Variants in NR6A1 observed in about 807,000 individuals in gnomAD.
The protein encoded by NR6A1 is retinoic acid receptor-related testis-associated receptor.
A neutral mutation model predicts 59.1 loss-of-function variants in NR6A1; 7 were observed. The observed-to-expected ratio is 0.12, with a 90% CI of 0.07 to 0.22. The LOEUF is 0.22. Among genes scored for constraint, NR6A1 ranks in the 10% least tolerant of loss-of-function variants. NR6A1 has a pLI of 1.00. For synonymous variants in NR6A1, 243 were observed against 236.1 expected, an observed-to-expected ratio of 1.03 and a Z score of -0.27; for missense variants, 468 against 611.6, an observed-to-expected ratio of 0.77 and a Z score of 2.48.
chr9:124,667,021 T>A (rs1463073979), intron 2 of NR6A1, among the ~76,000 whole-genome samples: 1 of 152,060 alleles, frequency 6.6e-6, no homozygotes, highest in African/African-American at 2.4e-5. Flanking sequence ...ATTGCGAATA[T>A]TACTATTATC....
intron 2 of NR6A1, among the ~76,000 whole-genome samples, chr9:124,565,268 A>C (rs1175421509): frequency 6.6e-6 from 1 of 152,072 alleles, no homozygotes; most frequent in Non-Finnish European, 1.5e-5. Context: ...CTCTACTAAC[A>C]ATACAAAAAT....
chr9:124,582,331 C>T (rs1040018213), intron 2 of NR6A1, among the ~76,000 whole-genome samples: 18 of 152,104 alleles, frequency 1.2e-4, no homozygotes, highest in African/African-American at 3.9e-4. Context: ...AACCAAATAC[C>T]GCATGTTCCC....
intron 2 of NR6A1, among the ~76,000 whole-genome samples, chr9:124,593,204 A>G (rs763065293): frequency 3.3e-5 from 5 of 152,188 alleles, no homozygotes; most frequent in African/African-American, 7.2e-5. Context: ...GTTCTTGACT[A>G]TAAGTCTGGT....
intron 2 of NR6A1, among the ~76,000 whole-genome samples, chr9:124,568,553 C>T (rs1482788582): frequency 6.6e-6 from 1 of 151,162 alleles, no homozygotes; most frequent in Non-Finnish European, 1.5e-5. Flanking sequence ...ATGTAATCAA[C>T]CCATGCTTTC....
chr9:124,603,976 AT>A (rs1835513219), intron 2 of NR6A1, among the ~76,000 whole-genome samples: 1 of 152,220 alleles, frequency 6.6e-6, no homozygotes, highest in African/African-American at 2.4e-5. Context: ...CACCAGTTCT[AT>A]CCCTTTCCAC....
At chr9:124,537,364 G>A (rs141427442) in intron 6 of NR6A1, among the ~76,000 whole-genome samples, 29 of 152,320 alleles carry the variant, frequency 1.9e-4, no homozygotes, top group African/African-American at 6.5e-4. Flanking sequence ...TGGGATTACA[G>A]GCATGAGCCA....
At chr9:124,767,603 G>C (rs1840975350) in intron 1 of NR6A1, among the ~76,000 whole-genome samples, 1 of 151,366 alleles carries the variant, frequency 6.6e-6, no homozygotes, top group African/African-American at 2.4e-5. Flanking sequence ...TTTTTCTAAT[G>C]GGAGTAGGAA....
At chr9:124,677,726 A>T (rs1838006479) in intron 2 of NR6A1, among the ~76,000 whole-genome samples, 2 of 152,126 alleles carry the variant, frequency 1.3e-5, no homozygotes, top group South Asian at 4.1e-4. Context: ...TTTCTCTCCA[A>T]AACATACTTA....
chr9:124,647,379 A>G (rs1393980584), intron 2 of NR6A1, among the ~76,000 whole-genome samples: 2 of 152,218 alleles, frequency 1.3e-5, no homozygotes, highest in East Asian at 1.9e-4. Flanking sequence ...CTACATGCCA[A>G]TAACTTGGAA....
chr9:124,745,012 C>T (rs1245273298), intron 1 of NR6A1, among the ~76,000 whole-genome samples: 3 of 152,142 alleles, frequency 2.0e-5, no homozygotes, highest in African/African-American at 4.8e-5. Context: ...ATGTTTATCC[C>T]TCTGGATCAA....
chr9:124,692,375 A>G, intron 2 of NR6A1: 1 of 432,062 alleles, frequency 2.3e-6, no homozygotes, highest in Non-Finnish European at 5.1e-6. Context: ...CCAGAGAGGA[A>G]TGTAAGAGCA....
intron 2 of NR6A1, among the ~76,000 whole-genome samples, chr9:124,719,073 G>A (rs533952623): frequency 7.2e-5 from 11 of 151,790 alleles, no homozygotes; most frequent in East Asian, 1.9e-4. Context: ...ATTCCTAGAC[G>A]TATGAATTGT....
chr9:124,522,863 G>C (rs529777163), intron 9 of NR6A1, 70 bp from the exon 10 acceptor site: 11 of 1,206,498 alleles, frequency 9.1e-6, no homozygotes, highest in South Asian at 2.6e-5. Flanking sequence ...AGCCTCCTTG[G>C]GCTGGTGGAG....
chr9:124,740,377 A>C (rs1055439671), intron 1 of NR6A1, among the ~76,000 whole-genome samples: 1 of 152,230 alleles, frequency 6.6e-6, no homozygotes, highest in African/African-American at 2.4e-5. Context: ...CACATCTGCA[A>C]ATTTGAAATT....
At chr9:124,732,130 T>C (rs1218515178) in intron 2 of NR6A1, among the ~76,000 whole-genome samples, 1 of 152,140 alleles carries the variant, frequency 6.6e-6, no homozygotes, top group East Asian at 1.9e-4. Flanking sequence ...TTTATACTAA[T>C]AAGGAGGGCA....
chr9:124,585,383 A>G (rs1378569788), intron 2 of NR6A1, among the ~76,000 whole-genome samples: 1 of 152,090 alleles, frequency 6.6e-6, no homozygotes, highest in African/African-American at 2.4e-5. Context: ...TACTAAAAAT[A>G]CAAAAACAAA....
intron 1 of NR6A1, among the ~76,000 whole-genome samples, chr9:124,763,430 A>G (rs1375656246): frequency 6.6e-6 from 1 of 152,250 alleles, no homozygotes; most frequent in Non-Finnish European, 1.5e-5. Context: ...CGATTAAAAT[A>G]TATTTAAGAA....
intron 1 of NR6A1, among the ~76,000 whole-genome samples, chr9:124,747,480 T>G (rs1840368027): frequency 6.6e-6 from 1 of 152,124 alleles, no homozygotes; most frequent in South Asian, 2.1e-4. Flanking sequence ...ACTTCCCAAC[T>G]GATGATTCCC....
intron 1 of NR6A1, 80 bp from the exon 2 acceptor site, chr9:124,733,429 T>G (rs7039679): frequency 9.2e-7 from 1 of 1,087,970 alleles, no homozygotes; most frequent in East Asian, 2.4e-5. Context: ...TATCATACAG[T>G]TGGGGGGAAA....
Sources: allele counts gnomAD v4.1 joint callset (sites outside exome capture counted in the v4.1 genomes callset), GRCh38; gene constraint gnomAD v4.1.1; transcripts MANE v1.5; gene names NCBI Gene and HGNC (gene_info 2026-07-23, HGNC 2026-07-21).